Variants in POT1 observed in about 807,000 individuals in gnomAD.
POT1 encodes protection of telomeres 1, also known as protection of telomeres protein 1.
Under a neutral mutation model 78.5 loss-of-function variants are expected in POT1, and 47 were observed. The ratio of observed to expected loss-of-function variants is 0.60; its 90% CI spans 0.47 to 0.76. The LOEUF (loss-of-function observed/expected upper bound fraction) is 0.76. Ranked by LOEUF, POT1 falls within the 30% of genes least tolerant of loss-of-function variation. The probability of loss-of-function intolerance (pLI) is 0.00; values close to 1 mark genes in which losing one functional copy is unlikely to be tolerated. For missense variants in POT1, 646 were observed against 749.9 expected, an observed-to-expected ratio of 0.86 and a Z score of 1.62; for synonymous variants, 259 against 260.7, an observed-to-expected ratio of 0.99 and a Z score of 0.06.
Position 124,870,780 on chromosome 7 carries a change from A to G in POT1, c.255+131T>C, listed in dbSNP as rs1237813325. 4 of 603,026 alleles carry G rather than the reference A, an allele frequency of 6.6e-6. No homozygotes were observed. In the East Asian group the frequency reaches 1.1e-4, roughly 16 times the overall value. 37.4% of individuals were successfully genotyped at this position (603,026 alleles called of 1,614,324 possible). On this transcript the variant is annotated intron_variant, in intron 7 of 18. Coordinates refer to ENST00000357628, the MANE Select transcript of POT1 (RefSeq NM_015450.3). The stretch of plus-strand genomic sequence containing the variant: ...TTTGAAGTCTGATAATATTTACATT[A>G]CTTCTTATCTCCTGAAAAGCTTGCT...
At chr7:124,852,275 A>C (rs1445176245) in intron 10 of POT1, among the ~76,000 whole-genome samples, 1 of 152,208 alleles carries the variant, frequency 6.6e-6, no homozygotes, top group Non-Finnish European at 1.5e-5. Context: ...AAAATCAGTG[A>C]AATTGATATA....
intron 2 of POT1, among the ~76,000 whole-genome samples, chr7:124,925,955 CTT>C (rs1168096905): frequency 6.6e-6 from 1 of 151,936 alleles, no homozygotes; most frequent in Non-Finnish European, 1.5e-5. Flanking sequence ...CGAAAATAAA[CTT>C]AAGACGGATT....
intron 14 of POT1, 115 bp from the exon 15 acceptor site, chr7:124,835,529 A>G: frequency 8.9e-7 from 1 of 1,120,326 alleles, no homozygotes; most frequent in Non-Finnish European, 1.2e-6. Flanking sequence ...ACAGAAAAAG[A>G]CAATGAATGT....
intron 5 of POT1, among the ~76,000 whole-genome samples, chr7:124,894,917 G>A (rs1796456736): frequency 6.6e-6 from 1 of 151,664 alleles, no homozygotes; most frequent in Non-Finnish European, 1.5e-5. Context: ...CTAGCATTAT[G>A]TAATCAGGGA....
intron 6 of POT1, among the ~76,000 whole-genome samples, chr7:124,889,032 G>C (rs1796308933): frequency 6.6e-6 from 1 of 151,934 alleles, no homozygotes; most frequent in Non-Finnish European, 1.5e-5. Context: ...AGTTACAAAT[G>C]ATGAAGCTTA....
At chr7:124,923,728 T>C (rs983410009) in intron 2 of POT1, among the ~76,000 whole-genome samples, 2 of 151,432 alleles carry the variant, frequency 1.3e-5, no homozygotes. Context: ...ACACATTATA[T>C]TCAGAATGTG....
chr7:124,858,899 C>T, intron 9 of POT1, 58 bp downstream of exon 9: 4 of 1,353,388 alleles, frequency 3.0e-6, no homozygotes, highest in Non-Finnish European at 4.0e-6. Context: ...TTTACATGAG[C>T]AAAAATCACT....
intron 3 of POT1, among the ~76,000 whole-genome samples, chr7:124,904,905 A>G (rs1796721448): frequency 6.6e-6 from 1 of 152,238 alleles, no homozygotes; most frequent in African/African-American, 2.4e-5. Flanking sequence ...TGCTTCAAAG[A>G]GAATAAAATA....
At chr7:124,917,918 C>A (rs1278980472) in intron 2 of POT1, among the ~76,000 whole-genome samples, 4 of 152,076 alleles carry the variant, frequency 2.6e-5, no homozygotes, top group African/African-American at 9.7e-5. Flanking sequence ...TCCCTTAGGT[C>A]CCAGGAGGTG....
intron 9 of POT1, among the ~76,000 whole-genome samples, chr7:124,856,971 C>G (rs1377456991): frequency 2.0e-5 from 3 of 152,196 alleles, no homozygotes; most frequent in Non-Finnish European, 4.4e-5. Flanking sequence ...CAAAAAAGTA[C>G]AGTCACTATC....
rs1271238738 is a variant in POT1 at position 124,854,899 on chromosome 7, T to C, written c.703-1761A>G. Among the ~76,000 whole-genome samples the C allele has an allele frequency of 2.0e-5, 3 of 151,922 alleles. No individual in the cohort carries two copies. The South Asian group carries it at 6.2e-4, about 31-fold the overall frequency. On this transcript the variant is annotated intron_variant, in intron 9 of 18. Coordinates refer to ENST00000357628, the MANE Select transcript of POT1 (RefSeq NM_015450.3). Reference sequence around the variant, plus strand: ...TATATAAATATATTAGTATAGCACATGTATGTATGATCTACAAAAGATTTG... The same window carrying C: ...TATATAAATATATTAGTATAGCACACGTATGTATGATCTACAAAAGATTTG...
intron 6 of POT1, among the ~76,000 whole-genome samples, chr7:124,876,689 C>T (rs1474288386): frequency 1.3e-5 from 2 of 152,162 alleles, no homozygotes; most frequent in South Asian, 2.1e-4. Flanking sequence ...CTGGAACATA[C>T]ATATTAAAGG....
intron 14 of POT1, among the ~76,000 whole-genome samples, chr7:124,838,691 C>T (rs1044709582): frequency 3.9e-5 from 6 of 152,172 alleles, no homozygotes; most frequent in East Asian, 3.9e-4. Flanking sequence ...CCGCAACCTC[C>T]GCCTCCCGGG....
chr7:124,886,889 TATC>T (rs968901907), intron 6 of POT1, among the ~76,000 whole-genome samples: 4 of 152,140 alleles, frequency 2.6e-5, no homozygotes, highest in Non-Finnish European at 2.9e-5. Flanking sequence ...TAGTCTATAT[TATC>T]ATATTTTAAG....
At chr7:124,825,185 G>A in intron 18 of POT1, 67 bp downstream of exon 18, 1 of 980,820 alleles carries the variant, frequency 1.0e-6, no homozygotes. Context: ...AAAGTCCACA[G>A]AGTACATATA....
At chr7:124,839,968 T>A (rs1036957402) in intron 14 of POT1, among the ~76,000 whole-genome samples, 1 of 151,684 alleles carries the variant, frequency 6.6e-6, no homozygotes, top group East Asian at 1.9e-4. Flanking sequence ...CTCAGTGTTG[T>A]ACATTCTATG....
chr7:124,911,230 G>C (rs966801748), intron 3 of POT1, among the ~76,000 whole-genome samples: 3 of 151,982 alleles, frequency 2.0e-5, no homozygotes, highest in Non-Finnish European at 2.9e-5. Flanking sequence ...CCTTTACTGG[G>C]GCCACCAACT....
chr7:124,863,842 A>G (rs570578804), intron 7 of POT1, among the ~76,000 whole-genome samples: 5 of 152,282 alleles, frequency 3.3e-5, no homozygotes, highest in African/African-American at 1.2e-4. Flanking sequence ...CAGAAGTATC[A>G]TGGAAACTGT....
At chr7:124,876,951 A>G (rs1015654602) in intron 6 of POT1, among the ~76,000 whole-genome samples, 2 of 152,178 alleles carry the variant, frequency 1.3e-5, no homozygotes, top group African/African-American at 4.8e-5. Flanking sequence ...ACAATATCTG[A>G]CCAAGAGAAG....
Sources: allele counts gnomAD v4.1 joint callset (sites outside exome capture counted in the v4.1 genomes callset), GRCh38; gene constraint gnomAD v4.1.1; transcripts MANE v1.5; gene names NCBI Gene and HGNC (gene_info 2026-07-23, HGNC 2026-07-21).